ANGPT2: variants seen among roughly 807,000 people sequenced by gnomAD.
ANGPT2 encodes the protein angiopoietin-2.
Under a neutral mutation model 62.9 loss-of-function variants are expected in ANGPT2, and 28 were observed. The observed-to-expected ratio is 0.44, with a 90% CI of 0.33 to 0.61. ANGPT2 has a LOEUF of 0.61. Ranked by LOEUF, ANGPT2 falls within the 20% of genes least tolerant of loss-of-function variation. The probability of loss-of-function intolerance (pLI) is 0.03; values close to 1 mark genes in which losing one functional copy is unlikely to be tolerated. For missense variants in ANGPT2, 727 were observed against 594.9 expected, an observed-to-expected ratio of 1.22 and a Z score of -2.31; for synonymous variants, 284 against 207.8, an observed-to-expected ratio of 1.37 and a Z score of -3.15.
intron 2 of ANGPT2, among the ~76,000 whole-genome samples, chr8:6,528,123 C>A (rs1818734919): frequency 6.6e-6 from 1 of 152,152 alleles, no homozygotes; most frequent in Non-Finnish European, 1.5e-5. Context: ...TCTGGAACTC[C>A]TGACCTCAAG....
At chr8:6,556,432 C>A (rs151203616) in intron 1 of ANGPT2, among the ~76,000 whole-genome samples, 1 of 151,982 alleles carries the variant, frequency 6.6e-6, no homozygotes, top group Non-Finnish European at 1.5e-5. Flanking sequence ...CGTGTAGTGA[C>A]CAAGGACTTA....
chr8:6,537,133 C>G lies in ANGPT2; in HGVS notation c.289-4646G>C, dbSNP rs541469580. ...ACTTGAACCTCCCGTGGGAGGGGAC[C>G]CGGCTCTTTCCAATTTCACATGCAT... On this transcript the variant is annotated intron_variant, in intron 1 of 8. Transcript: ENST00000629816. Among the ~76,000 whole-genome samples the G allele has an allele frequency of 1.2e-4, 19 of 152,230 alleles. No individual in the cohort carries two copies. The East Asian group carries it at 3.7e-3, about 29-fold the overall frequency.
rs1020960133 is a variant in ANGPT2 at position 6,532,336 on chromosome 8, G to C, written c.440C>G (p.Ala147Gly). The change falls in exon 2 of 9, where the codon GCC becomes GGC. Residue 147 changes from alanine to glycine, a missense_variant. Physicochemically the swap from Ala to Gly is moderately conservative, Grantham distance 60. Coordinates refer to ENST00000629816, the MANE Select transcript of ANGPT2 (RefSeq NM_001118887.2). Reference sequence around the variant, plus strand: ...GCTTTATGTGGCATTACTTACTTGGGCTTCCACATCAGTTAACTTCCGCGT... The same window carrying C: ...GCTTTATGTGGCATTACTTACTTGGCCTTCCACATCAGTTAACTTCCGCGT... ...EQTRKLTDVE[A>G]QVLNQTTRLE... 6.2e-7 allele frequency: 1 copy of C among 1,613,826 alleles called. No individual in the cohort carries two copies. Among genetic ancestry groups the C allele is most frequent in the African/African-American group, 1.3e-5 (1 of 74,848 alleles).
At chr8:6,518,215 C>T (rs541867731) in intron 5 of ANGPT2, among the ~76,000 whole-genome samples, 1 of 152,340 alleles carries the variant, frequency 6.6e-6, no homozygotes, top group African/African-American at 2.4e-5. Context: ...CCCCATTTCA[C>T]ATGCATCCTC....
intron 8 of ANGPT2, among the ~76,000 whole-genome samples, chr8:6,503,488 C>G (rs959333139): frequency 6.6e-6 from 1 of 152,202 alleles, no homozygotes; most frequent in Admixed American, 6.5e-5. Context: ...CCTTCTTCCA[C>G]CTTTTCCCTT....
intron 5 of ANGPT2, among the ~76,000 whole-genome samples, chr8:6,515,040 C>G (rs1223202496): frequency 6.6e-6 from 1 of 152,190 alleles, no homozygotes; most frequent in African/African-American, 2.4e-5. Context: ...TTGTCATCAT[C>G]TGTTCCAGGC....
intron 4 of ANGPT2, among the ~76,000 whole-genome samples, 162 bp from the exon 5 acceptor site, chr8:6,520,153 C>T (rs1276651810): frequency 1.3e-5 from 2 of 152,096 alleles, no homozygotes; most frequent in Admixed American, 1.3e-4. Flanking sequence ...TTCCTTTCAG[C>T]CTGTTTTCTT....
chr8:6,553,376 C>A (rs1375562203), intron 1 of ANGPT2, among the ~76,000 whole-genome samples: 1 of 152,188 alleles, frequency 6.6e-6, no homozygotes, highest in Non-Finnish European at 1.5e-5. Context: ...ACCTAGCCAG[C>A]CCTCACTAGG....
Position 6,563,045 on chromosome 8 carries a change from G to T in ANGPT2, c.-111C>A. Reference sequence around the variant, plus strand: ...AGGGCTGCTACGCTGCCATGGCTGGGTCCGTCAATGAAAGTCTTCTCTTTC... The same window carrying T: ...AGGGCTGCTACGCTGCCATGGCTGGTTCCGTCAATGAAAGTCTTCTCTTTC... On this transcript the variant is annotated 5_prime_UTR_variant, in exon 1 of 9. Transcript: ENST00000629816. The T allele has an allele frequency of 2.5e-6, 3 of 1,223,572 alleles. No homozygotes were observed. The highest frequency in any genetic ancestry group is 1.6e-5 in the South Asian group (1 of 63,220). 75.8% of individuals were successfully genotyped at this position (1,223,572 alleles called of 1,614,324 possible). A position where few individuals can be genotyped will look rare whatever the true frequency, so the allele number is the denominator to read the frequency against.
chr8:6,525,783 A>C (rs1176331296), intron 3 of ANGPT2, among the ~76,000 whole-genome samples: 1 of 152,146 alleles, frequency 6.6e-6, no homozygotes, highest in East Asian at 1.9e-4. Context: ...ATTTCCTTTC[A>C]TATCTGTGAC....
At chr8:6,519,834 G>C (rs779486336) in intron 5 of ANGPT2, 30 bp downstream of exon 5, 2 of 1,610,702 alleles carry the variant, frequency 1.2e-6, no homozygotes, top group East Asian at 2.2e-5. Flanking sequence ...CTAGAGCCAG[G>C]GAGTTAGTAA....
chr8:6,561,913 A>C (rs1298773874), intron 1 of ANGPT2, among the ~76,000 whole-genome samples: 3 of 152,248 alleles, frequency 2.0e-5, no homozygotes, highest in Non-Finnish European at 2.9e-5. Flanking sequence ...ACTGTCAGAC[A>C]GACCGTCCTG....
chr8:6,519,534 C>A (rs774589959), intron 5 of ANGPT2, among the ~76,000 whole-genome samples: 5 of 152,188 alleles, frequency 3.3e-5, no homozygotes, highest in Admixed American at 3.3e-4. Flanking sequence ...TTGGAAGATA[C>A]TTTCTTTAAG....
intron 1 of ANGPT2, among the ~76,000 whole-genome samples, chr8:6,560,543 C>T (rs1433519566): frequency 3.3e-5 from 5 of 152,162 alleles, no homozygotes; most frequent in African/African-American, 9.6e-5. Flanking sequence ...AATTGCCTTT[C>T]TCAGGTGCAC....
chr8:6,528,355 C>G (rs1818778222), intron 2 of ANGPT2, among the ~76,000 whole-genome samples: 1 of 152,202 alleles, frequency 6.6e-6, no homozygotes, highest in Non-Finnish European at 1.5e-5. Context: ...AGTATTTTCC[C>G]TTTGCCGAAA....
At chr8:6,553,715 T>A (rs911345052) in intron 1 of ANGPT2, among the ~76,000 whole-genome samples, 23 of 151,984 alleles carry the variant, frequency 1.5e-4, no homozygotes, top group East Asian at 3.9e-4. Flanking sequence ...TTGGTGGTCT[T>A]GGGGCCTACG....
intron 8 of ANGPT2, among the ~76,000 whole-genome samples, chr8:6,506,028 C>T (rs61619167): frequency 0.14 from 17,480 of 124,074 alleles, 3,118 homozygotes; most frequent in African/African-American, 0.31. Flanking sequence ...TATATAAAAA[C>T]ATATATATAT....
chr8:6,550,007 ATT>A (rs1823335588), intron 1 of ANGPT2, among the ~76,000 whole-genome samples: 5 of 152,234 alleles, frequency 3.3e-5, no homozygotes, highest in Admixed American at 3.3e-4. Context: ...CCAGGTGATC[ATT>A]CGGGGACGGG....
chr8:6,556,101 G>C (rs1824564956), intron 1 of ANGPT2, among the ~76,000 whole-genome samples: 1 of 152,078 alleles, frequency 6.6e-6, no homozygotes, highest in Non-Finnish European at 1.5e-5. Flanking sequence ...TTGCTGCCAA[G>C]ACTAACCAAG....
Sources: gnomAD v4.1 joint callset for allele counts (sites outside exome capture counted in the v4.1 genomes callset) on GRCh38, gnomAD v4.1.1 for gene constraint, MANE v1.5 for transcripts, NCBI Gene and HGNC (gene_info 2026-07-23, HGNC 2026-07-21) for gene names.